Variants in MECOM observed in about 807,000 individuals in gnomAD.
MECOM encodes histone-lysine N-methyltransferase MECOM.
In MECOM, 13 loss-of-function variants were observed where a neutral mutation model predicts 116.3. The observed-to-expected ratio is 0.11, with a 90% confidence interval of 0.07 to 0.18. The LOEUF is 0.18. MECOM is among the 10% of genes least tolerant of loss of function. The probability of loss-of-function intolerance (pLI) is 1.00; values close to 1 mark genes in which losing one functional copy is unlikely to be tolerated. For synonymous variants in MECOM, 528 were observed against 535.2 expected (o/e 0.99, Z 0.19); for missense variants, 1,299 against 1,509.0 (o/e 0.86, Z 2.31).
intron 7 of MECOM, among the ~76,000 whole-genome samples, chr3:169,117,905 TTATG>T (rs3863098): frequency 0.29 from 44,005 of 151,798 alleles, 6,461 homozygotes; most frequent in African/African-American, 0.32. Context: ...TTGAGCCACG[TTATG>T]TGTGAGCTTA....
chr3:169,224,912 A>C (rs1199464471), intron 2 of MECOM, among the ~76,000 whole-genome samples: 1 of 152,236 alleles, frequency 6.6e-6, no homozygotes, highest in Non-Finnish European at 1.5e-5. Flanking sequence ...AAGATTAAAC[A>C]TTAGGGGGCA....
intron 2 of MECOM, among the ~76,000 whole-genome samples, chr3:169,178,524 T>C (rs113831336): frequency 4.6e-5 from 7 of 152,274 alleles, no homozygotes; most frequent in African/African-American, 1.4e-4. Context: ...GGGAGGACAA[T>C]GTATAGCCAG....
chr3:169,114,166 A>G (rs1307671082), intron 8 of MECOM, among the ~76,000 whole-genome samples: 1 of 151,306 alleles, frequency 6.6e-6, no homozygotes, highest in Non-Finnish European at 1.5e-5. Flanking sequence ...TGTGACATAC[A>G]ATCTACACAC....
intron 5 of MECOM, among the ~76,000 whole-genome samples, chr3:169,126,483 T>G (rs1732893277): frequency 6.6e-6 from 1 of 152,108 alleles, no homozygotes; most frequent in Non-Finnish European, 1.5e-5. Flanking sequence ...TAAAGGGACA[T>G]GCTGTGGCTT....
At chr3:169,115,284 T>G in intron 8 of MECOM, 99 bp downstream of exon 8, 2 of 1,243,430 alleles carry the variant, frequency 1.6e-6, no homozygotes, top group Non-Finnish European at 2.2e-6. Context: ...TGTTTTATAA[T>G]AATAGTAAAA....
Position 169,472,502 on chromosome 3 carries a change from G to GAAAA in MECOM, c.38-90979_38-90978insTTTT, listed in dbSNP as rs1446149855. On this transcript the variant is annotated intron_variant, in intron 1 of 16. Coordinates refer to ENST00000651503, the MANE Select transcript of MECOM (RefSeq NM_004991.4). ...GGAAAGGAAAGGAAAGGAAAGGAAAGGAAAGGAAAGGAAAGGAAAGAAAAG... is the reference window on the plus strand; with the variant it reads ...GGAAAGGAAAGGAAAGGAAAGGAAAGAAAAGAAAGGAAAGGAAAGGAAAGAAAAG... Among the ~76,000 whole-genome samples, 42 of 87,384 alleles carry GAAAA rather than the reference G, an allele frequency of 4.8e-4. 2 individuals carry two copies. Among genetic ancestry groups the GAAAA allele is most frequent in the African/African-American group, 1.1e-3 (21 of 19,238 alleles). The allele number at this position is 87,384 out of a possible 152,430, so 57.3% of individuals were successfully genotyped here.
Position 169,444,431 on chromosome 3 carries a change from C to T in MECOM, c.38-62907G>A, listed in dbSNP as rs527882774. ...GGGCTGGTCCTTCCCGTGTTATTCT[C>T]GTGATAGTGAATAAGTCTCATGAGA... On this transcript the variant is annotated intron_variant, in intron 1 of 16. Transcript: ENST00000651503. 9.9e-5 allele frequency among the ~76,000 whole-genome samples: 15 copies of T among 152,172 alleles called. No homozygotes were observed. The South Asian group carries it at 2.5e-3, about 25-fold the overall frequency.
chr3:169,086,684 G>T (rs1717863384), intron 16 of MECOM: 1 of 628,518 alleles, frequency 1.6e-6, no homozygotes, highest in Non-Finnish European at 2.8e-6. Flanking sequence ...TACATAAATA[G>T]TACCTATTAC....
chr3:169,475,580 A>C (rs960543134), intron 1 of MECOM, among the ~76,000 whole-genome samples: 1 of 151,124 alleles, frequency 6.6e-6, no homozygotes, highest in Admixed American at 6.6e-5. Context: ...AAAAAGTCGA[A>C]GTTTTTTTTT....
In MECOM at chr3:169,084,803, C is replaced by T; in HGVS notation, c.*106G>A. 1.6e-6 allele frequency: 2 copies of T among 1,243,340 alleles called. No homozygotes were observed. Among genetic ancestry groups the T allele is most frequent in the Admixed American group, 2.0e-5 (1 of 50,160 alleles). The allele number at this position is 1,243,340 out of a possible 1,614,324, so 77.0% of individuals were successfully genotyped here. ...GGTCACTAGACTTTAGATGAGTGAC[C>T]CTGCAGGTTTATAAGGCATTCTGCT... On this transcript the variant is annotated 3_prime_UTR_variant, in exon 17 of 17. Transcript: ENST00000651503.
intron 2 of MECOM, among the ~76,000 whole-genome samples, chr3:169,329,117 T>C (rs1396014358): frequency 6.6e-6 from 1 of 152,218 alleles, no homozygotes; most frequent in African/African-American, 2.4e-5. Flanking sequence ...AATATGCACA[T>C]AGATTATCTT....
intron 2 of MECOM, among the ~76,000 whole-genome samples, chr3:169,313,482 T>A (rs1314777892): frequency 6.6e-6 from 1 of 152,166 alleles, no homozygotes; most frequent in African/African-American, 2.4e-5. Context: ...AGCTGAAGGA[T>A]GTCTGCAGGA....
intron 1 of MECOM, among the ~76,000 whole-genome samples, chr3:169,535,014 G>A (rs1465939087): frequency 6.6e-6 from 1 of 152,174 alleles, no homozygotes. Flanking sequence ...GAGGAACAGG[G>A]ACTTGGTGCT....
intron 12 of MECOM, among the ~76,000 whole-genome samples, chr3:169,097,826 A>T (rs1320519679): frequency 1.4e-5 from 2 of 147,194 alleles, no homozygotes; most frequent in South Asian, 2.1e-4. Flanking sequence ...ATAAAAAAAA[A>T]AAAAAAAAAA....
At chr3:169,322,569 C>A (rs1721037644) in intron 2 of MECOM, among the ~76,000 whole-genome samples, 1 of 152,048 alleles carries the variant, frequency 6.6e-6, no homozygotes, top group African/African-American at 2.4e-5. Flanking sequence ...AAAGTTTCCT[C>A]TTTGAGGAGT....
intron 1 of MECOM, among the ~76,000 whole-genome samples, chr3:169,573,667 AT>A: frequency 6.6e-6 from 1 of 152,272 alleles, no homozygotes; most frequent in Non-Finnish European, 1.5e-5. Context: ...AAGCGGCATA[AT>A]TTGGTTTACC....
intron 2 of MECOM, among the ~76,000 whole-genome samples, chr3:169,357,993 T>G (rs889820032): frequency 6.6e-6 from 1 of 151,794 alleles, no homozygotes; most frequent in Non-Finnish European, 1.5e-5. Flanking sequence ...TTTGGAACCA[T>G]GTGTTATTTT....
rs569155586 is a variant in MECOM, at chr3:169,405,308, T to C, written c.38-23784A>G. Among the ~76,000 whole-genome samples the C allele has an allele frequency of 2.6e-5, 4 of 152,068 alleles. No individual in the cohort carries two copies. The South Asian group carries it at 8.3e-4, about 32-fold the overall frequency. On this transcript the variant is annotated intron_variant, in intron 1 of 16. Coordinates refer to ENST00000651503, the MANE Select transcript of MECOM (RefSeq NM_004991.4). ...ACAAAGAGTCTCTGAGAGATACAAC[T>C]GCATAAGATAAAGGCACAATTATAG...
intron 1 of MECOM, among the ~76,000 whole-genome samples, chr3:169,390,482 T>C (rs1734043067): frequency 6.6e-6 from 1 of 152,218 alleles, no homozygotes; most frequent in Non-Finnish European, 1.5e-5. Flanking sequence ...TGTGGTTTAC[T>C]ACCTCTAATT....
Sources: gnomAD v4.1 joint callset for allele counts (sites outside exome capture counted in the v4.1 genomes callset) on GRCh38, gnomAD v4.1.1 for gene constraint, MANE v1.5 for transcripts, NCBI Gene and HGNC (gene_info 2026-07-23, HGNC 2026-07-21) for gene names.